MAP3K7: variants seen among roughly 807,000 people sequenced by gnomAD.
MAP3K7 encodes mitogen-activated protein kinase kinase kinase 7, also known as TGF-beta activated kinase 1.
A neutral mutation model predicts 84.8 loss-of-function variants in MAP3K7; 21 were observed. The observed-to-expected ratio is 0.25, with a 90% CI of 0.18 to 0.36. The LOEUF (loss-of-function observed/expected upper bound fraction) is 0.36. MAP3K7 is among the 10% of genes least tolerant of loss of function. The probability of loss-of-function intolerance (pLI) is 1.00; values close to 1 mark genes in which losing one functional copy is unlikely to be tolerated. For synonymous variants in MAP3K7, 241 were observed against 247.7 expected (o/e 0.97, Z 0.25); for missense variants, 503 against 747.7 (o/e 0.67, Z 3.82).
Position 90,516,489 on chromosome 6 carries a change from G to A in MAP3K7, c.*12C>T, listed in dbSNP as rs3734657. The A allele has an allele frequency of 2.2e-3, 3,485 of 1,602,882 alleles. 81 individuals are homozygous for A. In the East Asian group the frequency reaches 0.05, roughly 23 times the overall value. On this transcript the variant is annotated 3_prime_UTR_variant, in exon 17 of 17. Coordinates refer to ENST00000369329, the MANE Select transcript of MAP3K7 (RefSeq NM_145331.3). ...TTCTTTGCATATTTCAAAATGTAAC[G>A]GTCCCAGAGAATCATGAAGTGCCTT...
chr6:90,583,173 G>T (rs566690881), intron 1 of MAP3K7, among the ~76,000 whole-genome samples: 138 of 152,190 alleles, frequency 9.1e-4, no homozygotes, highest in African/African-American at 3.1e-3. Flanking sequence ...GTGAGCCACC[G>T]CACCAAGCCC....
intron 9 of MAP3K7, among the ~76,000 whole-genome samples, chr6:90,549,671 G>C (rs1776120712): frequency 6.6e-6 from 1 of 152,164 alleles, no homozygotes. Flanking sequence ...AATGAAGAGA[G>C]AGTTTAGAGG....
At chr6:90,542,575 C>CA in intron 12 of MAP3K7, 1 of 756,760 alleles carries the variant, frequency 1.3e-6, no homozygotes, top group Non-Finnish European at 1.6e-6. Context: ...CTGACTTAAA[C>CA]AAAAGAACAA....
intron 1 of MAP3K7, among the ~76,000 whole-genome samples, chr6:90,576,386 G>A (rs893256355): frequency 6.7e-6 from 1 of 149,932 alleles, no homozygotes; most frequent in African/African-American, 2.5e-5. Context: ...TCGCGCCACT[G>A]AACTCCAGCC....
chr6:90,518,705 G>A (rs545473364), intron 15 of MAP3K7, 143 bp from the exon 16 acceptor site: 37 of 597,036 alleles, frequency 6.2e-5, no homozygotes, highest in Admixed American at 5.7e-4. Flanking sequence ...CCATGCCCTA[G>A]AAAATCTCAG....
At chr6:90,525,673 T>C (rs1775298759) in intron 13 of MAP3K7, among the ~76,000 whole-genome samples, 1 of 152,028 alleles carries the variant, frequency 6.6e-6, no homozygotes, top group Admixed American at 6.5e-5. Flanking sequence ...GCTCAAGCGA[T>C]CCTTCCATCT....
chr6:90,571,748 A>G lies in MAP3K7; in HGVS notation c.180T>C (p.Val60=), dbSNP rs1345705739. 6.2e-7 allele frequency: 1 copy of G among 1,606,438 alleles called. No individual in the cohort carries two copies. Among genetic ancestry groups the G allele is most frequent in the Admixed American group, 1.7e-5 (1 of 58,820 alleles). The change falls in exon 2 of 17, where the codon GTT becomes GTC. Residue 60 remains valine, a synonymous_variant. Transcript: ENST00000369329. ...ATTCACTTTCTATTTGTTTAATAGC[A>G]ACATCTTTTGCTCTCCACTTAGCTT... ...VCKAKWRAKD[V]AIKQIESESE...
At chr6:90,531,876 A>T (rs1301761525) in intron 13 of MAP3K7, among the ~76,000 whole-genome samples, 1 of 151,982 alleles carries the variant, frequency 6.6e-6, no homozygotes, top group Non-Finnish European at 1.5e-5. Context: ...GAATCACTTG[A>T]ACTCAGGAGG....
intron 9 of MAP3K7, among the ~76,000 whole-genome samples, chr6:90,550,088 G>A (rs1776132839): frequency 6.6e-6 from 1 of 152,046 alleles, no homozygotes; most frequent in Non-Finnish European, 1.5e-5. Flanking sequence ...CTCTGTAGAA[G>A]AGAACAAAAA....
At chr6:90,558,253 T>C (rs1156274789) in intron 5 of MAP3K7, among the ~76,000 whole-genome samples, 3 of 151,764 alleles carry the variant, frequency 2.0e-5, no homozygotes, top group Non-Finnish European at 4.4e-5. Flanking sequence ...ACCCGGGAGG[T>C]GGAGGTTGTA....
Position 90,528,033 on chromosome 6 carries a change from C to T in MAP3K7, c.1357-4250G>A, listed in dbSNP as rs1775380947. On this transcript the variant is annotated intron_variant, in intron 13 of 16. Transcript: ENST00000369329. ...AGCTGGGACTACAGGCGCCCGCTAC[C>T]ACGCCCGGCTAATTTTTTGTATTTT... Among the ~76,000 whole-genome samples, 2 of 59,484 alleles carry T rather than the reference C, an allele frequency of 3.4e-5. 1 individual carries two copies. Among genetic ancestry groups the T allele is most frequent in the African/African-American group, 1.6e-4 (2 of 12,268 alleles). 39.0% of individuals were successfully genotyped at this position (59,484 alleles called of 152,430 possible). A position where few individuals can be genotyped will look rare whatever the true frequency, so the allele number is the denominator to read the frequency against.
intron 3 of MAP3K7, 53 bp from the exon 4 acceptor site, chr6:90,561,720 G>T (rs1342327984): frequency 7.4e-6 from 9 of 1,222,614 alleles, no homozygotes; most frequent in Non-Finnish European, 1.2e-6. Flanking sequence ...TCATCTTAGG[G>T]CCTTTGAGAG....
intron 1 of MAP3K7, among the ~76,000 whole-genome samples, chr6:90,585,001 A>T (rs926325164): frequency 6.6e-6 from 1 of 152,212 alleles, no homozygotes. Context: ...TCTTTTAGCC[A>T]TATGACCTTA....
At chr6:90,523,599 CA>C in intron 14 of MAP3K7, 78 bp downstream of exon 14, 1 of 907,960 alleles carries the variant, frequency 1.1e-6, no homozygotes, top group Non-Finnish European at 1.8e-6. Flanking sequence ...CCTTTGTAAA[CA>C]TTAGAGTAAT....
At chr6:90,523,534 T>C in intron 14 of MAP3K7, 144 bp downstream of exon 14, 1 of 492,264 alleles carries the variant, frequency 2.0e-6, no homozygotes, top group Non-Finnish European at 3.7e-6. Context: ...TATTTTAACA[T>C]GTATTACTAA....
chr6:90,549,648 G>C (rs971243499), intron 9 of MAP3K7, among the ~76,000 whole-genome samples: 40 of 152,100 alleles, frequency 2.6e-4, no homozygotes, highest in African/African-American at 9.7e-4. Context: ...AAAATTCAAG[G>C]TCACAGTAAG....
At chr6:90,582,808 T>C (rs1002694277) in intron 1 of MAP3K7, among the ~76,000 whole-genome samples, 3 of 152,158 alleles carry the variant, frequency 2.0e-5, no homozygotes, top group Admixed American at 2.0e-4. Context: ...TTAACTGTTC[T>C]GTGTTTACTC....
At chr6:90,544,784 A>T in intron 11 of MAP3K7, 152 bp from the exon 12 acceptor site, 2 of 628,616 alleles carry the variant, frequency 3.2e-6, no homozygotes, top group Non-Finnish European at 5.7e-6. Flanking sequence ...CTTTTCATCC[A>T]TGCTCAGAAA....
chr6:90,546,188 A>G (rs1775995056), intron 11 of MAP3K7, among the ~76,000 whole-genome samples: 1 of 152,174 alleles, frequency 6.6e-6, no homozygotes, highest in Non-Finnish European at 1.5e-5. Context: ...TAGCTGATAA[A>G]ATCAATGATC....
Sources: allele counts gnomAD v4.1 joint callset (sites outside exome capture counted in the v4.1 genomes callset), GRCh38; gene constraint gnomAD v4.1.1; transcripts MANE v1.5; gene names NCBI Gene and HGNC (gene_info 2026-07-23, HGNC 2026-07-21).